PSMA1: variants seen among roughly 807,000 people sequenced by gnomAD.
PSMA1 encodes proteasome subunit alpha type-1.
PSMA1 carries 3 observed loss-of-function variants against 38.4 expected under a neutral mutation model. The observed-to-expected ratio is 0.08, with a 90% CI of 0.04 to 0.20. The LOEUF (loss-of-function observed/expected upper bound fraction) is 0.20. Ranked by LOEUF, PSMA1 falls within the 10% of genes least tolerant of loss-of-function variation. The pLI, the probability that PSMA1 is intolerant of heterozygous loss-of-function variation, is 1.00. For synonymous variants in PSMA1, 101 were observed against 107.1 expected, an observed-to-expected ratio of 0.94 and a Z score of 0.35; for missense variants, 227 against 325.3, an observed-to-expected ratio of 0.70 and a Z score of 2.32.
intron 2 of PSMA1, among the ~76,000 whole-genome samples, chr11:14,563,606 C>A (rs756861066): frequency 6.6e-6 from 1 of 151,996 alleles, no homozygotes; most frequent in Non-Finnish European, 1.5e-5. Flanking sequence ...AAGGGTTGGT[C>A]TAAATAACAT....
chr11:14,581,611 T>G (rs1289329741), intron 2 of PSMA1, among the ~76,000 whole-genome samples: 1 of 152,194 alleles, frequency 6.6e-6, no homozygotes, highest in Non-Finnish European at 1.5e-5. Flanking sequence ...ATAATTATTT[T>G]TCCAGCATAT....
chr11:14,576,543 T>C (rs1271547401), intron 2 of PSMA1, among the ~76,000 whole-genome samples: 1 of 152,228 alleles, frequency 6.6e-6, no homozygotes, highest in African/African-American at 2.4e-5. Flanking sequence ...GGGAATCCTT[T>C]CCCCATTTCT....
intron 2 of PSMA1, among the ~76,000 whole-genome samples, chr11:14,581,823 C>T (rs889967626): frequency 2.6e-5 from 4 of 152,148 alleles, no homozygotes; most frequent in African/African-American, 7.2e-5. Flanking sequence ...TTCTTCTATA[C>T]GAATTTTATT....
rs367637268 is a variant in PSMA1, at chr11:14,537,702, A to G, written c.22-18661T>C. 1.9e-4 allele frequency among the ~76,000 whole-genome samples: 28 copies of G among 147,260 alleles called. No individual in the cohort carries two copies. In the East Asian group the frequency reaches 5.5e-3, roughly 29 times the overall value. On this transcript the variant is annotated intron_variant, in intron 2 of 10. Transcript: ENST00000418988. Reference sequence around the variant, plus strand: ...GACCTAAAGGCAATTTTAATGTGGTAAAATTACCCTTTTTTTTTTTTTTTT... The same window carrying G: ...GACCTAAAGGCAATTTTAATGTGGTGAAATTACCCTTTTTTTTTTTTTTTT...
intron 1 of PSMA1, among the ~76,000 whole-genome samples, chr11:14,626,833 A>G (rs1463693363): frequency 6.6e-6 from 1 of 152,226 alleles, no homozygotes; most frequent in Non-Finnish European, 1.5e-5. Context: ...GCTTAGGATA[A>G]GCAGGAAGTT....
At chr11:14,563,060 T>C (rs1852028302) in intron 2 of PSMA1, among the ~76,000 whole-genome samples, 2 of 152,194 alleles carry the variant, frequency 1.3e-5, no homozygotes, top group South Asian at 2.1e-4. Flanking sequence ...TGTGTCATTA[T>C]GGTTTTAGAG....
In PSMA1 at chr11:14,505,705, G is replaced by C. The variant is rs527717038; in HGVS notation, c.736-457C>G. On this transcript the variant is annotated intron_variant, in intron 9 of 9. Coordinates refer to ENST00000396394, the MANE Select transcript of PSMA1 (RefSeq NM_002786.4). ...GGTATGCCGAATGCATAAAATATAT[G>C]TAGAAAATAGTCTATTTGGTCGGGT... Among the ~76,000 whole-genome samples the C allele has an allele frequency of 1.2e-4, 18 of 152,124 alleles. No individual in the cohort carries two copies. The South Asian group carries it at 3.7e-3, about 32-fold the overall frequency.
rs548687270 is a variant in PSMA1 at position 14,605,971 on chromosome 11, G to T, written c.21+4995C>A. 2.0e-5 allele frequency among the ~76,000 whole-genome samples: 3 copies of T among 152,240 alleles called. No homozygotes were observed. In the South Asian group the frequency reaches 6.2e-4, roughly 32 times the overall value. On this transcript the variant is annotated intron_variant, in intron 2 of 10. Coordinates refer to the PSMA1 transcript ENST00000418988. ...TTTCCCAAGGCCAATGTCTAGAATG[G>T]CATTTCCTTGATTTTCTTCTAGAAT...
At chr11:14,575,356 T>A (rs1234666568) in intron 2 of PSMA1, among the ~76,000 whole-genome samples, 3 of 152,018 alleles carry the variant, frequency 2.0e-5, no homozygotes, top group Non-Finnish European at 4.4e-5. Flanking sequence ...GTGTGCTGCA[T>A]CCATTAACTC....
At chr11:14,611,096 C>A in exon 2 of PSMA1, 2 of 1,080,350 alleles carry the variant, frequency 1.9e-6, no homozygotes. Context: ...TACCACTCTG[C>A]TACTGGCCTT....
chr11:14,541,294 T>A (rs975911396), intron 2 of PSMA1, among the ~76,000 whole-genome samples: 1 of 152,224 alleles, frequency 6.6e-6, no homozygotes, highest in South Asian at 2.1e-4. Context: ...AATAAGCCTG[T>A]ATGCTTCTGA....
intron 2 of PSMA1, among the ~76,000 whole-genome samples, chr11:14,571,352 C>T (rs1328383346): frequency 3.3e-5 from 5 of 152,136 alleles, no homozygotes; most frequent in Non-Finnish European, 4.4e-5. Flanking sequence ...CATGAGCCAT[C>T]GTGCCAGGCC....
At chr11:14,576,249 A>G (rs1696077578) in intron 2 of PSMA1, among the ~76,000 whole-genome samples, 1 of 152,078 alleles carries the variant, frequency 6.6e-6, no homozygotes, top group African/African-American at 2.4e-5. Context: ...CTCTGATGGT[A>G]GTTTCTTTTG....
At chr11:14,531,411 A>G (rs1851646499) in intron 2 of PSMA1, among the ~76,000 whole-genome samples, 1 of 152,208 alleles carries the variant, frequency 6.6e-6, no homozygotes, top group Non-Finnish European at 1.5e-5. Context: ...TAGTTCACTT[A>G]GGATAATGGC....
At chr11:14,620,913 A>T (rs991056128) in intron 1 of PSMA1, among the ~76,000 whole-genome samples, 3 of 152,168 alleles carry the variant, frequency 2.0e-5, no homozygotes, top group African/African-American at 4.8e-5. Context: ...TTTAAATTTG[A>T]CCACAAAGCT....
chr11:14,638,569 ATATATATATATATATATTTTTTTTTTTT>A (rs1853152002), intron 1 of PSMA1, among the ~76,000 whole-genome samples: 1 of 13,608 alleles, frequency 7.3e-5, no homozygotes, highest in East Asian at 2.2e-3. Context: ...ATATATATAT[ATATATATATATATATATTTTTTTTTTTT>A]TTTTTTTTTT....
intron 1 of PSMA1, among the ~76,000 whole-genome samples, chr11:14,626,860 T>C (rs1048339595): frequency 6.6e-6 from 1 of 152,212 alleles, no homozygotes; most frequent in Non-Finnish European, 1.5e-5. Context: ...ACTCACTGTA[T>C]TACTCTACTA....
chr11:14,627,109 A>AT (rs1565062106), intron 1 of PSMA1, among the ~76,000 whole-genome samples: 1 of 152,046 alleles, frequency 6.6e-6, no homozygotes, highest in Non-Finnish European at 1.5e-5. Context: ...GTCATATTGG[A>AT]TTAGTGCCCC....
rs1851678427 is a variant in PSMA1 at position 14,534,135 on chromosome 11, T to G, written c.22-15094A>C. Among the ~76,000 whole-genome samples, 1 of 152,096 alleles carries G rather than the reference T, an allele frequency of 6.6e-6. No homozygotes were observed. Among genetic ancestry groups the G allele is most frequent in the Non-Finnish European group, 1.5e-5 (1 of 68,014 alleles). ...GGTGGAGGTTGCAGTGAGCCGAAAT[T>G]GTGCCACTGCACTCCAGACTGGGCA... On this transcript the variant is annotated intron_variant, in intron 2 of 10. Transcript: ENST00000418988. The surrounding 1 kb of genome is among the most constrained non-coding windows in gnomAD (Gnocchi z 4.5).
Sources: allele counts gnomAD v4.1 joint callset (sites outside exome capture counted in the v4.1 genomes callset), GRCh38; gene constraint gnomAD v4.1.1; non-coding constraint Gnocchi (gnomAD v3.1); transcripts MANE v1.5; gene names NCBI Gene and HGNC (gene_info 2026-07-23, HGNC 2026-07-21).